The following SERPINB10 variants were observed in gnomAD, a reference collection of about 807,000 sequenced individuals.
SERPINB10 encodes the protein serpin family B member 10.
A neutral mutation model predicts 39.1 loss-of-function variants in SERPINB10; 35 were observed. The ratio of observed to expected loss-of-function variants is 0.90; its 90% CI spans 0.68 to 1.19. The LOEUF (loss-of-function observed/expected upper bound fraction) is 1.19. Ranked by LOEUF, SERPINB10 falls within the 50% of genes most tolerant of loss-of-function variation. The pLI is 0.00. For synonymous variants in SERPINB10, 190 were observed against 158.1 expected, an observed-to-expected ratio of 1.20 and a Z score of -1.52; for missense variants, 546 against 460.5, an observed-to-expected ratio of 1.19 and a Z score of -1.70.
intron 1 of SERPINB10, among the ~76,000 whole-genome samples, 195 bp from the exon 2 acceptor site, chr18:63,915,307 A>T (rs1292671056): frequency 6.6e-6 from 1 of 152,096 alleles, no homozygotes; most frequent in Non-Finnish European, 1.5e-5. Context: ...AATTTGAGGC[A>T]ATTCCCGTAA....
At chr18:63,917,053 AC>A (rs985505985) in intron 2 of SERPINB10, among the ~76,000 whole-genome samples, 3 of 151,916 alleles carry the variant, frequency 2.0e-5, no homozygotes, top group African/African-American at 7.3e-5. Context: ...TAGAAAAAAA[AC>A]AACTAAAATT....
chr18:63,927,098 A>AT (rs1488536556), intron 5 of SERPINB10, among the ~76,000 whole-genome samples: 3 of 151,362 alleles, frequency 2.0e-5, no homozygotes, highest in South Asian at 2.1e-4. Flanking sequence ...ATCTCATCTA[A>AT]TTTTTTTTGC....
chr18:63,915,437 T>G, intron 1 of SERPINB10, 65 bp from the exon 2 acceptor site: 1 of 1,238,096 alleles, frequency 8.1e-7, no homozygotes, highest in Non-Finnish European at 1.1e-6. Flanking sequence ...GAATACATAT[T>G]TTTTCAAAGG....
In SERPINB10 at chr18:63,929,924, C is replaced by A. The variant is rs912627057; in HGVS notation, c.491-121C>A. On this transcript the variant is annotated intron_variant, in intron 5 of 7. Transcript: ENST00000238508. ...TAGTACTTGTCCATTTCCAGAAAAT[C>A]AAAAACCAGGACTTTTAAAGAAAAC... The A allele has an allele frequency of 5.9e-6, 6 of 1,015,112 alleles. No individual in the cohort carries two copies. The African/African-American group carries it at 6.6e-5, about 11-fold the overall frequency. The allele number at this position is 1,015,112 out of a possible 1,614,324, so 62.9% of individuals were successfully genotyped here.
At chr18:63,931,351 A>C (rs1411695957) in intron 6 of SERPINB10, among the ~76,000 whole-genome samples, 1 of 152,168 alleles carries the variant, frequency 6.6e-6, no homozygotes, top group South Asian at 2.1e-4. Flanking sequence ...TAGACAGAGA[A>C]AGTGTTTGCC....
chr18:63,913,288 A>T (rs2050077972), intron 1 of SERPINB10, among the ~76,000 whole-genome samples: 1 of 150,882 alleles, frequency 6.6e-6, no homozygotes, highest in African/African-American at 2.4e-5. Context: ...AGTTTTGCTG[A>T]TTTTACTTAT....
chr18:63,920,033 A>G lies in SERPINB10; in HGVS notation c.490+128A>G, dbSNP rs1468182406. 9.8e-6 allele frequency: 5 copies of G among 507,652 alleles called. No individual in the cohort carries two copies. The Admixed American group carries it at 1.9e-4, about 19-fold the overall frequency. 31.4% of individuals were successfully genotyped at this position (507,652 alleles called of 1,614,324 possible). A position where few individuals can be genotyped will look rare whatever the true frequency, so the allele number is the denominator to read the frequency against. ...TGTGGACACATTGTAAATATTCAGA[A>G]CATTTATTTCTATTCATGTACGTAA... On this transcript the variant is annotated intron_variant, in intron 5 of 7. Transcript: ENST00000238508.
chr18:63,933,217 G>T lies in SERPINB10; in HGVS notation c.789+14G>T, dbSNP rs573639816. ...GGGCTGGAACAGGTAAATAACATCA[G>T]TGTGTCTGATGTGAGGGTGTTTCCA... On this transcript the variant is annotated intron_variant, in intron 7 of 7. Transcript: ENST00000238508. The T allele has an allele frequency of 6.2e-7, 1 of 1,613,772 alleles. No individual in the cohort carries two copies. Among genetic ancestry groups the T allele is most frequent in the Non-Finnish European group, 8.5e-7 (1 of 1,179,782 alleles).
intron 1 of SERPINB10, among the ~76,000 whole-genome samples, chr18:63,913,076 T>C (rs2050076463): frequency 6.6e-6 from 1 of 151,860 alleles, no homozygotes; most frequent in African/African-American, 2.4e-5. Context: ...GAGGTAGTCA[T>C]AGTAGTCTCT....
chr18:63,918,012 A>T lies in SERPINB10; in HGVS notation c.282A>T (p.Thr94=). ...NSEEIHSDFQ[T]LISEILKPND... is the part of the protein sequence containing the mutation. ...AAGAAATACACTCTGATTTCCAAAC[A>T]CTTATCTCAGAAATCCTCAAGCCCA... The change falls in exon 4 of 8, where the codon ACA becomes ACT. Residue 94 remains threonine (T), a synonymous_variant. Coordinates refer to ENST00000238508, the MANE Select transcript of SERPINB10 (RefSeq NM_005024.3). The T allele has an allele frequency of 6.2e-7, 1 of 1,612,018 alleles. No homozygotes were observed. The highest frequency in any genetic ancestry group is 1.3e-5 in the African/African-American group (1 of 74,940).
chr18:63,920,618 C>T (rs1279920522), intron 5 of SERPINB10, among the ~76,000 whole-genome samples: 3 of 151,942 alleles, frequency 2.0e-5, no homozygotes, highest in African/African-American at 7.2e-5. Context: ...TAAGGGGATG[C>T]CCTGGAAGTT....
intron 5 of SERPINB10, among the ~76,000 whole-genome samples, chr18:63,920,901 G>C (rs1316066311): frequency 6.6e-6 from 1 of 151,874 alleles, no homozygotes; most frequent in Non-Finnish European, 1.5e-5. Flanking sequence ...GTAGTAGAAG[G>C]ATTCTCCCAG....
chr18:63,917,276 A>G (rs2050110299), intron 2 of SERPINB10, among the ~76,000 whole-genome samples, 180 bp from the exon 3 acceptor site: 1 of 152,066 alleles, frequency 6.6e-6, no homozygotes, highest in African/African-American at 2.4e-5. Flanking sequence ...TAGAAAATTT[A>G]TTTAAGAGCA....
chr18:63,935,127 A>T lies in SERPINB10; in HGVS notation c.1079A>T (p.Asp360Val). The T allele has an allele frequency of 6.2e-7, 1 of 1,613,800 alleles. No homozygotes were observed. Among genetic ancestry groups the T allele is most frequent in the Non-Finnish European group, 8.5e-7 (1 of 1,180,028 alleles). ...GCAGCTGGCAGTGGGAGTGAGATAG[A>T]TATACGAATTAGAGTCCCATCCATT... Reference protein sequence around the residue: ...EAAAGSGSEIDIRIRVPSIEF... With the variant: ...EAAAGSGSEIVIRIRVPSIEF... Residue 360 changes from aspartate (D) to valine (V), a missense_variant, in exon 8 of 8, where the codon GAT (aspartate) becomes GTT (valine). Physicochemically the swap from Asp to Val is radical, Grantham distance 152. Transcript: ENST00000238508.
In SERPINB10 at chr18:63,935,376, C is replaced by A. The variant is rs2050255895; in HGVS notation, c.*134C>A. ...CACATTTGAATATAAGTAAATAGAT[C>A]TTGAAATAATGCATTCTAATGATCC... On this transcript the variant is annotated 3_prime_UTR_variant, in exon 8 of 8. Transcript: ENST00000238508. 4 of 869,642 alleles carry A rather than the reference C, an allele frequency of 4.6e-6. No homozygotes were observed. Among genetic ancestry groups the A allele is most frequent in the South Asian group, 1.8e-5 (1 of 54,598 alleles). 53.9% of individuals were successfully genotyped at this position (869,642 alleles called of 1,614,324 possible).
At chr18:63,926,487 G>A (rs530635654) in intron 5 of SERPINB10, among the ~76,000 whole-genome samples, 2 of 152,078 alleles carry the variant, frequency 1.3e-5, no homozygotes, top group South Asian at 4.1e-4. Flanking sequence ...AGTGGGACAC[G>A]TGTTTTTGGG....
chr18:63,925,597 A>G (rs1009928206), intron 5 of SERPINB10, among the ~76,000 whole-genome samples: 1 of 152,056 alleles, frequency 6.6e-6, no homozygotes, highest in African/African-American at 2.4e-5. Context: ...ATGGATTATA[A>G]CCCATAGAAT....
intron 1 of SERPINB10, among the ~76,000 whole-genome samples, chr18:63,915,230 CTA>C (rs2050092605): frequency 6.6e-6 from 1 of 152,028 alleles, no homozygotes; most frequent in South Asian, 2.1e-4. Context: ...GTGGCAAAAA[CTA>C]TGTTATGGGA....
chr18:63,910,642 C>T (rs56185040), intron 1 of SERPINB10, among the ~76,000 whole-genome samples: 39,574 of 151,856 alleles, frequency 0.26, 5,820 homozygotes, highest in African/African-American at 0.39. Context: ...TTCCTTCTTT[C>T]GGTTGCATAG....
Sources: allele counts gnomAD v4.1 joint callset (sites outside exome capture counted in the v4.1 genomes callset), GRCh38; gene constraint gnomAD v4.1.1; transcripts MANE v1.5; gene names NCBI Gene and HGNC (gene_info 2026-07-23, HGNC 2026-07-21).